ZSWIM5: variants seen among roughly 807,000 people sequenced by gnomAD.
The protein encoded by ZSWIM5 is zinc finger SWIM-type containing 5, also known as zinc finger SWIM domain-containing protein 5.
ZSWIM5 carries 55 observed loss-of-function variants against 119.6 expected under a neutral mutation model. The observed-to-expected ratio is 0.46, with a 90% CI of 0.37 to 0.58. ZSWIM5 has a LOEUF of 0.58. ZSWIM5 is among the 20% of genes least tolerant of loss of function. The pLI is 0.00. For missense variants in ZSWIM5, 1,193 were observed against 1,512.8 expected, an observed-to-expected ratio of 0.79 and a Z score of 3.51; for synonymous variants, 537 against 606.9, an observed-to-expected ratio of 0.88 and a Z score of 1.69.
intron 1 of ZSWIM5, among the ~76,000 whole-genome samples, chr1:45,140,925 A>G (rs544034748): frequency 6.6e-6 from 1 of 152,234 alleles, no homozygotes; most frequent in Admixed American, 6.5e-5. Context: ...CCTCTAGTAT[A>G]CCCAGACTGA....
At position 45,042,388 on chromosome 1, in the gene ZSWIM5, C is replaced by T. The variant is rs143605900; in HGVS notation, c.1609+831G>A. Among the ~76,000 whole-genome samples, 16 of 152,188 alleles carry T rather than the reference C, an allele frequency of 1.1e-4. No homozygotes were observed. The East Asian group carries it at 3.1e-3, about 29-fold the overall frequency. ...AATGAGATGTATATTCTTTCACATG[C>T]TTATTAGATTTACGTTTCAGAAGTG... On this transcript the variant is annotated intron_variant, in intron 6 of 13. Coordinates refer to ENST00000359600, the MANE Select transcript of ZSWIM5 (RefSeq NM_020883.2).
intron 1 of ZSWIM5, among the ~76,000 whole-genome samples, chr1:45,140,989 A>G (rs1645723285): frequency 6.6e-6 from 1 of 152,156 alleles, no homozygotes; most frequent in South Asian, 2.1e-4. Flanking sequence ...ACAGAGAAAG[A>G]TCCAGGAAAA....
At chr1:45,181,897 C>T (rs920975238) in intron 1 of ZSWIM5, among the ~76,000 whole-genome samples, 15 of 152,036 alleles carry the variant, frequency 9.9e-5, no homozygotes, top group Admixed American at 8.5e-4. Context: ...ATTTTGTCAC[C>T]ACCAGGCCTG....
chr1:45,053,589 C>T (rs1189960506), intron 4 of ZSWIM5, among the ~76,000 whole-genome samples: 1 of 151,668 alleles, frequency 6.6e-6, no homozygotes, highest in African/African-American at 2.4e-5. Context: ...TGGTGAAACC[C>T]CATCTCTACT....
intron 11 of ZSWIM5, among the ~76,000 whole-genome samples, chr1:45,032,544 T>C (rs557656634): frequency 6.7e-5 from 10 of 150,132 alleles, no homozygotes; most frequent in Non-Finnish European, 1.0e-4. Flanking sequence ...AGGAGTTCAG[T>C]GGTGCAACTC....
At chr1:45,036,441 G>A (rs528304534) in intron 8 of ZSWIM5, 142 bp from the exon 9 acceptor site, 123 of 1,201,986 alleles carry the variant, frequency 1.0e-4, no homozygotes, top group African/African-American at 1.0e-3. Context: ...TGCAGCCTCC[G>A]CCTCCCCGGT....
At chr1:45,150,787 A>G (rs1002126884) in intron 1 of ZSWIM5, among the ~76,000 whole-genome samples, 3 of 152,114 alleles carry the variant, frequency 2.0e-5, no homozygotes, top group Non-Finnish European at 4.4e-5. Flanking sequence ...TATTACTTTC[A>G]TTTATCCCAC....
intron 4 of ZSWIM5, among the ~76,000 whole-genome samples, chr1:45,051,622 A>G (rs763877222): frequency 1.3e-5 from 2 of 152,238 alleles, no homozygotes; most frequent in Non-Finnish European, 2.9e-5. Flanking sequence ...GGAGACAGAT[A>G]AATAAACATA....
chr1:45,132,530 C>T (rs1021400618), intron 1 of ZSWIM5, among the ~76,000 whole-genome samples: 3 of 152,158 alleles, frequency 2.0e-5, no homozygotes, highest in Non-Finnish European at 4.4e-5. Flanking sequence ...AATTAAATAG[C>T]ACTGTGATTC....
chr1:45,192,928 C>T (rs2149053947), intron 1 of ZSWIM5, among the ~76,000 whole-genome samples: 1 of 152,174 alleles, frequency 6.6e-6, no homozygotes, highest in South Asian at 2.1e-4. Context: ...TTTTCTTGTG[C>T]TTATTGGTCA....
intron 1 of ZSWIM5, among the ~76,000 whole-genome samples, chr1:45,138,010 C>T (rs1645699942): frequency 6.6e-6 from 1 of 152,134 alleles, no homozygotes; most frequent in Non-Finnish European, 1.5e-5. Flanking sequence ...GGGTTGGAAG[C>T]AGTTCCTCCA....
At chr1:45,169,947 T>A (rs1011750942) in intron 1 of ZSWIM5, among the ~76,000 whole-genome samples, 1 of 152,064 alleles carries the variant, frequency 6.6e-6, no homozygotes, top group Non-Finnish European at 1.5e-5. Context: ...CGGTTAACAT[T>A]TTACCTCTAA....
At chr1:45,136,218 A>G (rs547768269) in intron 1 of ZSWIM5, among the ~76,000 whole-genome samples, 2 of 152,250 alleles carry the variant, frequency 1.3e-5, no homozygotes, top group South Asian at 4.1e-4. Context: ...GAAATATTGA[A>G]GTTCACAACA....
At chr1:45,070,020 T>C in intron 2 of ZSWIM5, 2 of 771,890 alleles carry the variant, frequency 2.6e-6, no homozygotes, top group Admixed American at 1.7e-5. Flanking sequence ...CATGAATACT[T>C]GAGTAGCTAT....
chr1:45,136,986 G>A (rs1395024285), intron 1 of ZSWIM5, among the ~76,000 whole-genome samples: 1 of 152,158 alleles, frequency 6.6e-6, no homozygotes, highest in Non-Finnish European at 1.5e-5. Context: ...ACCTTGAGTG[G>A]TCCTAAATGT....
At chr1:45,154,164 C>T (rs1645813683) in intron 1 of ZSWIM5, among the ~76,000 whole-genome samples, 1 of 152,044 alleles carries the variant, frequency 6.6e-6, no homozygotes, top group South Asian at 2.1e-4. Flanking sequence ...GTGAAAATGA[C>T]CATACTGCCA....
At position 45,067,771 on chromosome 1, in the gene ZSWIM5, TA is replaced by T. The variant is rs559299851; in HGVS notation, c.953-7525del. 4.0e-3 allele frequency among the ~76,000 whole-genome samples: 609 copies of T among 152,330 alleles called. 1 individual carries two copies. Among genetic ancestry groups the T allele is most frequent in the African/African-American group, 0.014 (594 of 41,584 alleles). Reference sequence around the variant, plus strand: ...CTTTAGTTTAAAAATCAAATTAAATTAAAATGCCCTTATATGTTCACTGGTT... The same window carrying T: ...CTTTAGTTTAAAAATCAAATTAAATTAAATGCCCTTATATGTTCACTGGTT... On this transcript the variant is annotated intron_variant, in intron 2 of 13. Coordinates refer to ENST00000359600, the MANE Select transcript of ZSWIM5 (RefSeq NM_020883.2).
chr1:45,081,076 G>C (rs187143114), intron 2 of ZSWIM5, among the ~76,000 whole-genome samples: 3 of 152,284 alleles, frequency 2.0e-5, no homozygotes, highest in East Asian at 1.9e-4. Flanking sequence ...GGGTTAAAGA[G>C]AAAGGAGAAG....
In ZSWIM5 at chr1:45,057,366, A is replaced by G. The variant is rs1432453910; in HGVS notation, c.1252+1243T>C. Among the ~76,000 whole-genome samples, 1 of 152,262 alleles carries G rather than the reference A, an allele frequency of 6.6e-6. No individual in the cohort carries two copies. Among genetic ancestry groups the G allele is most frequent in the Non-Finnish European group, 1.5e-5 (1 of 68,042 alleles). On this transcript the variant is annotated intron_variant, in intron 4 of 13. Coordinates refer to ENST00000359600, the MANE Select transcript of ZSWIM5 (RefSeq NM_020883.2). The surrounding 1 kb of genome is among the most constrained non-coding windows in gnomAD (Gnocchi z 4.7). ...AAAATGCCAGAAGCAAGAGTTTTTC[A>G]TAATGAACCCAAGTATATAACAAGA...
Sources: gnomAD v4.1 joint callset for allele counts (sites outside exome capture counted in the v4.1 genomes callset) on GRCh38, gnomAD v4.1.1 for gene constraint, Gnocchi (gnomAD v3.1) non-coding constraint, MANE v1.5 for transcripts, NCBI Gene and HGNC (gene_info 2026-07-23, HGNC 2026-07-21) for gene names.